CHST4: variants seen among roughly 807,000 people sequenced by gnomAD.
CHST4 encodes carbohydrate sulfotransferase 4, also known as GST-3.
For synonymous variants in CHST4, 171 were observed against 195.5 expected (o/e 0.87, Z 1.05); for missense variants, 466 against 506.0 (o/e 0.92, Z 0.76).
Position 71,538,046 on chromosome 16 carries a change from G to A in CHST4, c.*208G>A, listed in dbSNP as rs1002569708. 11 of 596,162 alleles carry A rather than the reference G, an allele frequency of 1.8e-5. No homozygotes were observed. The highest frequency in any genetic ancestry group is 1.5e-4 in the African/African-American group (8 of 53,682). 36.9% of individuals were successfully genotyped at this position (596,162 alleles called of 1,614,324 possible). A position where few individuals can be genotyped will look rare whatever the true frequency, so the allele number is the denominator to read the frequency against. On this transcript the variant is annotated 3_prime_UTR_variant, in exon 2 of 2. Coordinates refer to ENST00000539698, the MANE Select transcript of CHST4 (RefSeq NM_001166395.2). ...CAGACTGGGGAACCTTATGTGAGCA[G>A]CACATCCCACCAGTGAAACAGGGTA...
chr16:71,534,059 A>G (rs956556248), intron 1 of CHST4, among the ~76,000 whole-genome samples: 1 of 149,374 alleles, frequency 6.7e-6, no homozygotes, highest in Admixed American at 6.7e-5. Flanking sequence ...AAAAAAAAAG[A>G]TTTCCCCTCC....
At chr16:71,530,560 GT>G (rs1405083760) in intron 1 of CHST4, among the ~76,000 whole-genome samples, 1 of 151,714 alleles carries the variant, frequency 6.6e-6, no homozygotes, top group East Asian at 1.9e-4. Context: ...GAGGTCAGGA[GT>G]TTGACACCAG....
Position 71,536,459 on chromosome 16 carries a change from G to A in CHST4, c.-18-201G>A, listed in dbSNP as rs572367103. On this transcript the variant is annotated intron_variant, in intron 1 of 1. Transcript: ENST00000539698. ...GAAGGAGGAATTAAAGACCCTGAAG[G>A]AGAACATATCAACACACTAAGTGTA... 16 of 399,030 alleles carry A rather than the reference G, an allele frequency of 4.0e-5. No homozygotes were observed. In the South Asian group the frequency reaches 1.9e-3, roughly 47 times the overall value. The allele number at this position is 399,030 out of a possible 1,614,324, so 24.7% of individuals were successfully genotyped here. A position where few individuals can be genotyped will look rare whatever the true frequency, so the allele number is the denominator to read the frequency against.
At chr16:71,533,748 G>A (rs530822310) in intron 1 of CHST4, among the ~76,000 whole-genome samples, 2 of 152,088 alleles carry the variant, frequency 1.3e-5, no homozygotes, top group African/African-American at 2.4e-5. Flanking sequence ...CTTGTCATAA[G>A]ATTTCCCCTC....
intron 1 of CHST4, among the ~76,000 whole-genome samples, chr16:71,530,592 C>A (rs1430841161): frequency 2.6e-5 from 4 of 151,088 alleles, no homozygotes; most frequent in African/African-American, 9.7e-5. Flanking sequence ...ATAGTGAGGG[C>A]CAGTCTCTAG....
At chr16:71,529,459 G>A (rs1468116659) in intron 1 of CHST4, among the ~76,000 whole-genome samples, 1 of 150,154 alleles carries the variant, frequency 6.7e-6, no homozygotes, top group African/African-American at 2.4e-5. Flanking sequence ...TTTCAGAAAA[G>A]GATACTTATG....
chr16:71,535,677 A>G (rs560451792), intron 1 of CHST4, among the ~76,000 whole-genome samples: 73 of 152,260 alleles, frequency 4.8e-4, no homozygotes, highest in African/African-American at 1.7e-3. Flanking sequence ...ATGGGCCACA[A>G]GTGTCCCCAG....
intron 1 of CHST4, among the ~76,000 whole-genome samples, chr16:71,535,490 T>C (rs891471713): frequency 2.0e-5 from 3 of 152,218 alleles, no homozygotes. Flanking sequence ...ACTTATTTTG[T>C]TGGACCAAGA....
intron 1 of CHST4, among the ~76,000 whole-genome samples, chr16:71,531,523 G>C (rs1167483799): frequency 6.6e-6 from 1 of 152,164 alleles, no homozygotes; most frequent in Non-Finnish European, 1.5e-5. Context: ...GAGTTCCTGA[G>C]AACCGTGGAC....
Position 71,537,531 on chromosome 16 carries a change from C to T in CHST4, c.854C>T (p.Ala285Val), listed in dbSNP as rs771143096. ...RYEDLARAPV[A>V]QTSRMYEFVG... ...GAGGACCTGGCTCGAGCCCCTGTGG[C>T]CCAGACTTCCCGAATGTATGAATTC... is the stretch of plus-strand genomic sequence containing the variant. The change falls in exon 2 of 2, where the codon GCC (alanine) becomes GTC (valine). Residue 285 changes from alanine (A) to valine (V), a missense_variant. By Grantham distance (64) the Ala-to-Val change is moderately conservative. Transcript: ENST00000539698. This position sits in a 1 kb window ranked among gnomAD's most constrained non-coding sequence, Gnocchi z 4.2. 3.7e-6 allele frequency: 6 copies of T among 1,614,166 alleles called. No individual in the cohort carries two copies. The South Asian group carries it at 4.4e-5, about 12-fold the overall frequency.
intron 1 of CHST4, among the ~76,000 whole-genome samples, chr16:71,531,831 C>G (rs1237535073): frequency 1.3e-5 from 2 of 152,152 alleles, no homozygotes; most frequent in Admixed American, 1.3e-4. Context: ...ATTTTCCTCT[C>G]TTTTTGGTTT....
In CHST4 at chr16:71,537,838, A is replaced by G. The variant is rs2044005036; in HGVS notation, c.1161A>G (p.Ter387=). The G allele has an allele frequency of 1.2e-6, 2 of 1,603,880 alleles. No homozygotes were observed. Among genetic ancestry groups the G allele is most frequent in the African/African-American group, 1.3e-5 (1 of 74,522 alleles). Residue 387 remains the stop codon, a stop_retained_variant, in exon 2 of 2, where the codon TAA becomes TAG. Transcript: ENST00000539698. This position sits in a 1 kb window ranked among gnomAD's most constrained non-coding sequence, Gnocchi z 4.2. ...STWTVPEQIH[*] is the part of the protein sequence containing the mutation. ...GGACTGTCCCTGAGCAAATCCACTA[A>G]GAGGGTTGAGAAGGCTTTGCTGCCA...
At chr16:71,527,755 A>T (rs1207399781) in intron 1 of CHST4, among the ~76,000 whole-genome samples, 1 of 152,042 alleles carries the variant, frequency 6.6e-6, no homozygotes, top group African/African-American at 2.4e-5. Context: ...AAAAAAGAAA[A>T]AAGAAAAGAA....
chr16:71,534,564 G>A (rs960351398), intron 1 of CHST4, among the ~76,000 whole-genome samples: 6 of 151,766 alleles, frequency 4.0e-5, no homozygotes, highest in Non-Finnish European at 7.4e-5. Flanking sequence ...CACCATGTTG[G>A]CCAGGCTGGT....
At chr16:71,530,353 A>G (rs2145202618) in intron 1 of CHST4, among the ~76,000 whole-genome samples, 1 of 152,318 alleles carries the variant, frequency 6.6e-6, no homozygotes, top group East Asian at 1.9e-4. Context: ...GTGACAGGAA[A>G]TCAAGACCAG....
intron 1 of CHST4, 69 bp from the exon 2 acceptor site, chr16:71,536,585 TTTGGCC>T: frequency 1.7e-6 from 2 of 1,167,120 alleles, no homozygotes; most frequent in South Asian, 2.8e-5. Flanking sequence ...AGCAGGTGGC[TTTGGCC>T]AGAAGGGGAA....
At chr16:71,535,485 T>C (rs12935725) in intron 1 of CHST4, among the ~76,000 whole-genome samples, 40,326 of 152,218 alleles carry the variant, frequency 0.26, 5,848 homozygotes, top group Middle Eastern at 0.33. Flanking sequence ...AATATACTTA[T>C]TTTGTTGGAC....
chr16:71,536,465 A>G (rs540669748), intron 1 of CHST4, 195 bp from the exon 2 acceptor site: 2 of 404,592 alleles, frequency 4.9e-6, no homozygotes, highest in Non-Finnish European at 8.7e-6. Context: ...GAAGGAGAAC[A>G]TATCAACACA....
At chr16:71,532,940 A>G (rs1187638151) in intron 1 of CHST4, among the ~76,000 whole-genome samples, 1 of 152,214 alleles carries the variant, frequency 6.6e-6, no homozygotes, top group Non-Finnish European at 1.5e-5. Flanking sequence ...TGAATGAGGA[A>G]CTACTTTACG....
Sources: gnomAD v4.1 joint callset for allele counts (sites outside exome capture counted in the v4.1 genomes callset) on GRCh38, gnomAD v4.1.1 for gene constraint, Gnocchi (gnomAD v3.1) non-coding constraint, MANE v1.5 for transcripts, NCBI Gene and HGNC (gene_info 2026-07-23, HGNC 2026-07-21) for gene names.